ADK: variants seen among roughly 807,000 people sequenced by gnomAD.
The protein encoded by ADK is N6,N6-dimethyladenosine kinase.
A neutral mutation model predicts 44.7 loss-of-function variants in ADK; 24 were observed. The ratio of observed to expected loss-of-function variants is 0.54; its 90% CI spans 0.39 to 0.76. The LOEUF (loss-of-function observed/expected upper bound fraction) is 0.76. Among genes scored for constraint, ADK ranks in the 30% least tolerant of loss-of-function variants. ADK has a pLI of 0.00. For missense variants in ADK, 321 were observed against 425.1 expected (o/e 0.76, Z 2.15); for synonymous variants, 128 against 142.6 (o/e 0.90, Z 0.73).
At chr10:74,497,057 C>T (rs1847714549) in intron 6 of ADK, among the ~76,000 whole-genome samples, 1 of 152,120 alleles carries the variant, frequency 6.6e-6, no homozygotes, top group African/African-American at 2.4e-5. Flanking sequence ...AAGTGATCCT[C>T]CCTGCTCAGC....
intron 7 of ADK, among the ~76,000 whole-genome samples, chr10:74,527,316 G>C (rs192953832): frequency 1.1e-3 from 173 of 151,834 alleles, no homozygotes; most frequent in African/African-American, 4.1e-3. Flanking sequence ...AGCCGAGATC[G>C]CGCCACTGCA....
At chr10:74,306,120 G>A (rs1840240528) in intron 3 of ADK, among the ~76,000 whole-genome samples, 1 of 151,624 alleles carries the variant, frequency 6.6e-6, no homozygotes, top group South Asian at 2.1e-4. Flanking sequence ...TGTCCTATAG[G>A]TCTGAGTCTT....
intron 3 of ADK, among the ~76,000 whole-genome samples, chr10:74,259,502 G>T (rs558834410): frequency 7.0e-6 from 1 of 143,710 alleles, no homozygotes; most frequent in African/African-American, 2.6e-5. Context: ...TGTCACCCAG[G>T]CTGGAGTGCA....
chr10:74,648,191 A>C (rs549204111), intron 9 of ADK, among the ~76,000 whole-genome samples: 16 of 152,300 alleles, frequency 1.1e-4, no homozygotes, highest in Admixed American at 7.2e-4. Context: ...TTCCAGATAA[A>C]AGATAAAGAG....
rs1310262601 is a variant in ADK, at chr10:74,222,454, G to A, written c.141-2084G>A. On this transcript the variant is annotated intron_variant, in intron 2 of 10. Coordinates refer to ENST00000539909, the MANE Select transcript of ADK (RefSeq NM_006721.4). ...CAACCATTGTGGAAGTCAGTGTGGCGATTCCTCAGGGATCTAGAACTAGAA... is the reference window on the plus strand; with the variant it reads ...CAACCATTGTGGAAGTCAGTGTGGCAATTCCTCAGGGATCTAGAACTAGAA... Among the ~76,000 whole-genome samples the A allele has an allele frequency of 4.7e-5, 7 of 148,166 alleles. No homozygotes were observed. In the East Asian group the frequency reaches 5.9e-4, roughly 13 times the overall value.
chr10:74,164,533 C>A (rs545147556), intron 1 of ADK, among the ~76,000 whole-genome samples: 1 of 152,210 alleles, frequency 6.6e-6, no homozygotes, highest in African/African-American at 2.4e-5. Context: ...GAGACTCCAT[C>A]TTAAAAAAGG....
chr10:74,264,687 G>T (rs1462122489), intron 3 of ADK, among the ~76,000 whole-genome samples: 1 of 152,042 alleles, frequency 6.6e-6, no homozygotes, highest in African/African-American at 2.4e-5. Flanking sequence ...CCTTATTTAA[G>T]AAATTACTTC....
At chr10:74,187,766 T>C (rs1244239669) in intron 1 of ADK, among the ~76,000 whole-genome samples, 1 of 152,214 alleles carries the variant, frequency 6.6e-6, no homozygotes, top group African/African-American at 2.4e-5. Context: ...AGGCCTATGA[T>C]CTATCTTAAA....
chr10:74,259,857 C>T (rs914272467), intron 3 of ADK, among the ~76,000 whole-genome samples: 1 of 152,122 alleles, frequency 6.6e-6, no homozygotes, highest in African/African-American at 2.4e-5. Context: ...CACTTCTTGT[C>T]CTGCTCAGCT....
chr10:74,492,360 G>T (rs1847520524), intron 6 of ADK, among the ~76,000 whole-genome samples: 1 of 152,014 alleles, frequency 6.6e-6, no homozygotes, highest in East Asian at 1.9e-4. Flanking sequence ...CTAGCTATTT[G>T]GGAGGCTGAG....
intron 1 of ADK, among the ~76,000 whole-genome samples, chr10:74,174,827 T>G (rs1842276367): frequency 6.6e-6 from 1 of 152,256 alleles, no homozygotes; most frequent in South Asian, 2.1e-4. Flanking sequence ...ATGGCTTCAT[T>G]CTGGATAGGC....
At chr10:74,661,125 A>G (rs914761167) in intron 9 of ADK, among the ~76,000 whole-genome samples, 1 of 152,204 alleles carries the variant, frequency 6.6e-6, no homozygotes, top group Non-Finnish European at 1.5e-5. Flanking sequence ...TGACTTATGC[A>G]CTTAACCACA....
chr10:74,487,321 T>C (rs756036637), intron 6 of ADK, among the ~76,000 whole-genome samples: 2 of 144,740 alleles, frequency 1.4e-5, no homozygotes, highest in Non-Finnish European at 3.0e-5. Context: ...GAATGAATGA[T>C]TGATAGGGGA....
At chr10:74,581,448 TTA>T (rs1851371482) in intron 7 of ADK, among the ~76,000 whole-genome samples, 1 of 152,044 alleles carries the variant, frequency 6.6e-6, no homozygotes, top group Non-Finnish European at 1.5e-5. Flanking sequence ...TGAGACAACT[TTA>T]GATGATCAAA....
At chr10:74,660,837 GC>G (rs767411774) in intron 9 of ADK, among the ~76,000 whole-genome samples, 3 of 151,414 alleles carry the variant, frequency 2.0e-5, no homozygotes, top group Non-Finnish European at 2.9e-5. Context: ...TTCGAGACCA[GC>G]CTGGCCAATA....
intron 9 of ADK, among the ~76,000 whole-genome samples, chr10:74,601,968 A>G (rs975836559): frequency 6.6e-6 from 1 of 151,068 alleles, no homozygotes; most frequent in African/African-American, 2.4e-5. Context: ...CTGAGAGAGT[A>G]GTGGCACATG....
chr10:74,340,883 A>G (rs1841560600), intron 4 of ADK, among the ~76,000 whole-genome samples: 1 of 152,222 alleles, frequency 6.6e-6, no homozygotes, highest in African/African-American at 2.4e-5. Flanking sequence ...CAGGCATAGT[A>G]CAATATGTAG....
chr10:74,356,021 T>TTG (rs1842135263), intron 4 of ADK, among the ~76,000 whole-genome samples: 1 of 126,038 alleles, frequency 7.9e-6, no homozygotes, highest in African/African-American at 3.0e-5. Flanking sequence ...TTTTTTTTTT[T>TTG]TTTTTTTTGA....
At chr10:74,322,877 A>G (rs1348690585) in intron 4 of ADK, among the ~76,000 whole-genome samples, 1 of 148,100 alleles carries the variant, frequency 6.8e-6, no homozygotes, top group African/African-American at 2.5e-5. Context: ...TGTTTTATGC[A>G]TTATGTTAAG....
Sources: allele counts gnomAD v4.1 joint callset (sites outside exome capture counted in the v4.1 genomes callset), GRCh38; gene constraint gnomAD v4.1.1; transcripts MANE v1.5; gene names NCBI Gene and HGNC (gene_info 2026-07-23, HGNC 2026-07-21).